The following TARDBP variants were observed in gnomAD, a reference collection of about 807,000 sequenced individuals.
TARDBP encodes the protein TAR DNA-binding protein 43.
A neutral mutation model predicts 38.3 loss-of-function variants in TARDBP; 4 were observed. That is an observed-to-expected ratio of 0.10 (90% CI 0.05 to 0.24). TARDBP has a LOEUF of 0.24. Ranked by LOEUF, TARDBP falls within the 10% of genes least tolerant of loss-of-function variation. TARDBP has a pLI of 1.00. For synonymous variants in TARDBP, 184 were observed against 183.8 expected, an observed-to-expected ratio of 1.00 and a Z score of -0.01; for missense variants, 202 against 521.9, an observed-to-expected ratio of 0.39 and a Z score of 5.97.
intron 5 of TARDBP, among the ~76,000 whole-genome samples, chr1:11,021,019 G>A (rs1643626507): frequency 2.0e-5 from 3 of 152,284 alleles, no homozygotes; most frequent in Admixed American, 2.0e-4. Flanking sequence ...GACGTAGGGT[G>A]TATGGGCCTA....
At chr1:11,015,959 C>G (rs976441740) in intron 2 of TARDBP, among the ~76,000 whole-genome samples, 1 of 146,416 alleles carries the variant, frequency 6.8e-6, no homozygotes, top group Non-Finnish European at 1.5e-5. Flanking sequence ...ATTTTTTAGA[C>G]GAAGTCTCGC....
intron 5 of TARDBP, among the ~76,000 whole-genome samples, chr1:11,021,210 C>A (rs1343453829): frequency 6.6e-6 from 1 of 151,570 alleles, no homozygotes; most frequent in Non-Finnish European, 1.5e-5. Context: ...GCGATCTTGG[C>A]TCGCTGCATC....
Position 11,023,135 on chromosome 1 carries a change from C to T in TARDBP, c.*481C>T. 4 of 1,539,106 alleles carry T rather than the reference C, an allele frequency of 2.6e-6. No individual in the cohort carries two copies. The highest frequency in any genetic ancestry group is 4.0e-5 in the Admixed American group (2 of 50,216). Reference sequence around the variant, plus strand: ...TTGGTTCTTTTGTTTTGTTTTTTAACACTTGTCTCCCCTCATACACAAAAG... The same window carrying T: ...TTGGTTCTTTTGTTTTGTTTTTTAATACTTGTCTCCCCTCATACACAAAAG... On this transcript the variant is annotated 3_prime_UTR_variant, in exon 6 of 6. Transcript: ENST00000240185.
In TARDBP at chr1:11,013,925, T is replaced by C. The variant is rs61730366; in HGVS notation, c.198T>C (p.Ala66=). Residue 66 remains alanine (A), a synonymous_variant, in exon 2 of 6, where the codon GCT becomes GCC. Coordinates refer to ENST00000240185, the MANE Select transcript of TARDBP (RefSeq NM_007375.4). ...AAGGAATTCTGCATGCCCCAGATGC[T>C]GGCTGGGGAAATCTGGTGTATGTTG... ...LVEGILHAPD[A]GWGNLVYVVN... is the part of the protein sequence containing the mutation. 4.0e-3 allele frequency: 6,377 copies of C among 1,614,210 alleles called. 115 individuals are homozygous for C. Among genetic ancestry groups the C allele is most frequent in the South Asian group, 0.019 (1,745 of 91,090 alleles).
At chr1:11,027,219 G>A (rs202214079), downstream of TARDBP, 100 of 1,614,180 alleles carry the variant, frequency 6.2e-5, 1 homozygote, top group East Asian at 1.0e-3. Context: ...ACCCCTTTGG[G>A]TTAATCCCCA....
downstream of TARDBP, chr1:11,027,549 G>T: frequency 6.2e-7 from 1 of 1,614,168 alleles, no homozygotes; most frequent in Admixed American, 1.7e-5. Context: ...TGCTGCTGTG[G>T]TTCCACCTAA....
At chr1:11,012,946 G>A (rs748012254) in intron 1 of TARDBP, among the ~76,000 whole-genome samples, 5 of 152,182 alleles carry the variant, frequency 3.3e-5, no homozygotes, top group Non-Finnish European at 5.9e-5. Context: ...ACGGGGGGCC[G>A]GGCCCGCGGT....
chr1:11,025,869 A>G (rs1373939680), downstream of TARDBP: 1 of 154,806 alleles, frequency 6.5e-6, no homozygotes, highest in Non-Finnish European at 1.5e-5. Context: ...AGTAAGAATG[A>G]TTTTGTTGTT....
chr1:11,013,680 A>G (rs1479739155), intron 1 of TARDBP, 36 bp from the exon 2 acceptor site: 1 of 1,493,988 alleles, frequency 6.7e-7, no homozygotes. Flanking sequence ...TTATTCTGAC[A>G]TGAATGTTGT....
At chr1:11,016,265 CTT>C (rs758907948) in intron 2 of TARDBP, 2 of 153,268 alleles carry the variant, frequency 1.3e-5, no homozygotes, top group Non-Finnish European at 2.9e-5. Context: ...GTAAGCCAAA[CTT>C]TTGGTTTCTT....
chr1:11,027,037 G>T (rs752089778), downstream of TARDBP: 3 of 1,595,896 alleles, frequency 1.9e-6, no homozygotes, highest in Admixed American at 1.7e-5. Flanking sequence ...AGAAACACCA[G>T]TGCCCCTCCG....
chr1:11,017,322 G>T (rs939757149), intron 3 of TARDBP, among the ~76,000 whole-genome samples: 3 of 150,634 alleles, frequency 2.0e-5, no homozygotes, highest in Non-Finnish European at 4.4e-5. Context: ...CTCCTGTCTC[G>T]GCCTCCTGTA....
intron 2 of TARDBP, 106 bp from the exon 3 acceptor site, chr1:11,016,738 C>G: frequency 1.7e-6 from 2 of 1,207,310 alleles, no homozygotes; most frequent in South Asian, 1.3e-5. Flanking sequence ...GTGTCTTATT[C>G]TTCTTAGAGT....
Position 11,023,901 on chromosome 1 carries a change from G to A in TARDBP, c.*1247G>A, listed in dbSNP as rs1298758659. The A allele has an allele frequency of 2.6e-5, 4 of 152,698 alleles. No homozygotes were observed. Among genetic ancestry groups the A allele is most frequent in the African/African-American group, 4.8e-5 (2 of 41,456 alleles). 9.5% of individuals were successfully genotyped at this position (152,698 alleles called of 1,614,324 possible). ...AAGCAGAGTTCACCAGTGAGCTCAG[G>A]TGTCTCAAAGAAGGGTGGAAGTTCT... On this transcript the variant is annotated 3_prime_UTR_variant, in exon 6 of 6. Transcript: ENST00000240185.
downstream of TARDBP, among the ~76,000 whole-genome samples, chr1:11,027,872 T>C (rs540911658): frequency 6.6e-6 from 1 of 152,222 alleles, no homozygotes; most frequent in Non-Finnish European, 1.5e-5. Flanking sequence ...AAAATGAGAT[T>C]AGTGAAAACT....
chr1:11,030,231 A>G (rs1298933499), downstream of TARDBP: 2 of 1,613,498 alleles, frequency 1.2e-6, no homozygotes, highest in Non-Finnish European at 1.7e-6. Flanking sequence ...AGAATCCATC[A>G]GCCTCACACA....
At chr1:11,029,094 G>A (rs1235491937), downstream of TARDBP, among the ~76,000 whole-genome samples, 10 of 150,010 alleles carry the variant, frequency 6.7e-5, no homozygotes, top group Non-Finnish European at 4.4e-5. Context: ...CCGGGTTCAC[G>A]CCATTCTCTT....
chr1:11,027,279 T>C (rs1490234646), downstream of TARDBP: 2 of 1,614,026 alleles, frequency 1.2e-6, no homozygotes, highest in Admixed American at 1.7e-5. Flanking sequence ...TTCAGCTTCT[T>C]TTCTTGGCAG....
At chr1:11,025,938 T>C (rs889412416), downstream of TARDBP, 1 of 154,872 alleles carries the variant, frequency 6.5e-6, no homozygotes, top group Non-Finnish European at 1.5e-5. Context: ...TTAACTGTTG[T>C]GTGATGTGTG....
Sources: gnomAD v4.1 joint callset for allele counts (sites outside exome capture counted in the v4.1 genomes callset) on GRCh38, gnomAD v4.1.1 for gene constraint, MANE v1.5 for transcripts, NCBI Gene and HGNC (gene_info 2026-07-23, HGNC 2026-07-21) for gene names.